Variants in NFIA observed in about 807,000 individuals in gnomAD.
NFIA encodes the protein nuclear factor I A.
A neutral mutation model predicts 62.8 loss-of-function variants in NFIA; 8 were observed. The observed-to-expected ratio is 0.13, with a 90% confidence interval of 0.07 to 0.23. The LOEUF (loss-of-function observed/expected upper bound fraction) is 0.23. Ranked by LOEUF, NFIA falls within the 10% of genes least tolerant of loss-of-function variation. The pLI, the probability that NFIA is intolerant of heterozygous loss-of-function variation, is 1.00. For synonymous variants in NFIA, 235 were observed against 238.1 expected (o/e 0.99, Z 0.12); for missense variants, 410 against 642.1 (o/e 0.64, Z 3.91).
intron 4 of NFIA, among the ~76,000 whole-genome samples, chr1:61,345,970 A>G (rs908873801): frequency 6.6e-6 from 1 of 152,088 alleles, no homozygotes; most frequent in African/African-American, 2.4e-5. Flanking sequence ...TGCCATAATT[A>G]TTATTAGAAT....
intron 3 of NFIA, among the ~76,000 whole-genome samples, chr1:61,298,536 G>A (rs1336411727): frequency 6.6e-6 from 1 of 152,078 alleles, no homozygotes; most frequent in African/African-American, 2.4e-5. Context: ...CTGTAGTTCA[G>A]CCAGTCAGAA....
chr1:61,365,663 CTAGAG>C (rs1292216386), intron 6 of NFIA, among the ~76,000 whole-genome samples: 1 of 152,166 alleles, frequency 6.6e-6, no homozygotes, highest in East Asian at 1.9e-4. Context: ...ATGCAGTATA[CTAGAG>C]TAGATACAGA....
chr1:61,195,811 T>C (rs922469974), intron 2 of NFIA, among the ~76,000 whole-genome samples: 6 of 152,194 alleles, frequency 3.9e-5, no homozygotes, highest in African/African-American at 1.4e-4. Context: ...TTTTGGAGGC[T>C]AGAAATTCAA....
intron 9 of NFIA, among the ~76,000 whole-genome samples, chr1:61,414,180 G>T (rs1054900375): frequency 1.3e-5 from 2 of 152,006 alleles, no homozygotes; most frequent in Non-Finnish European, 2.9e-5. Context: ...ACAGGGTTTC[G>T]TCATGTTGGC....
At chr1:61,270,626 A>G (rs2100262102) in intron 2 of NFIA, among the ~76,000 whole-genome samples, 1 of 152,356 alleles carries the variant, frequency 6.6e-6, no homozygotes, top group East Asian at 1.9e-4. Flanking sequence ...AGATGGCTGT[A>G]TGAGTAATCT....
At position 61,381,091 on chromosome 1, in the gene NFIA, C is replaced by T. The variant is rs540258912; in HGVS notation, c.947-2146C>T. Among the ~76,000 whole-genome samples the T allele has an allele frequency of 4.0e-5, 6 of 148,560 alleles. No individual in the cohort carries two copies. In the South Asian group the frequency reaches 1.3e-3, roughly 32 times the overall value. On this transcript the variant is annotated intron_variant, in intron 6 of 10. Coordinates refer to ENST00000403491, the MANE Select transcript of NFIA (RefSeq NM_001134673.4). ...AGGATACTGGATTTCATCAGTGATTCCATTATCTGAAAAAAAAAAAAAAAT... is the reference window on the plus strand; with the variant it reads ...AGGATACTGGATTTCATCAGTGATTTCATTATCTGAAAAAAAAAAAAAAAT...
At chr1:61,232,090 T>C (rs562496098) in intron 2 of NFIA, among the ~76,000 whole-genome samples, 1 of 152,166 alleles carries the variant, frequency 6.6e-6, no homozygotes, top group African/African-American at 2.4e-5. Flanking sequence ...ATGTAATGCA[T>C]TGGGAAAGTA....
intron 2 of NFIA, among the ~76,000 whole-genome samples, chr1:61,131,819 G>C (rs1647085011): frequency 6.6e-6 from 1 of 152,060 alleles, no homozygotes; most frequent in South Asian, 2.1e-4. Context: ...ATTTTTTTCT[G>C]ATACAGACCA....
intron 2 of NFIA, among the ~76,000 whole-genome samples, chr1:61,245,327 A>T (rs1287191261): frequency 6.6e-6 from 1 of 152,290 alleles, no homozygotes; most frequent in East Asian, 1.9e-4. Flanking sequence ...AAACTTCATT[A>T]TAACATCCCC....
At chr1:61,124,917 A>C (rs1208083796) in intron 2 of NFIA, 1 of 152,172 alleles carries the variant, frequency 6.6e-6, no homozygotes, top group Non-Finnish European at 1.5e-5. Context: ...TGTGTGCAGC[A>C]AGGCTTCTGA....
At chr1:61,196,985 A>G (rs1376578296) in intron 2 of NFIA, among the ~76,000 whole-genome samples, 3 of 151,534 alleles carry the variant, frequency 2.0e-5, no homozygotes, top group Admixed American at 2.0e-4. Context: ...ATTTGTGTTT[A>G]ATTAAACAGA....
chr1:61,313,021 A>G (rs1348813379), intron 3 of NFIA, among the ~76,000 whole-genome samples: 1 of 152,208 alleles, frequency 6.6e-6, no homozygotes, highest in East Asian at 1.9e-4. Flanking sequence ...ACAGAAATAT[A>G]GTAAATTAAG....
chr1:61,236,569 A>T, intron 2 of NFIA, among the ~76,000 whole-genome samples: 1 of 152,134 alleles, frequency 6.6e-6, no homozygotes, highest in South Asian at 2.1e-4. Flanking sequence ...TCCAAGCCAC[A>T]CTTTGGCCTA....
At chr1:61,247,870 A>G (rs186189038) in intron 2 of NFIA, among the ~76,000 whole-genome samples, 83 of 152,310 alleles carry the variant, frequency 5.4e-4, no homozygotes, top group African/African-American at 1.9e-3. Flanking sequence ...AGTTTAATAA[A>G]TGAGAGAATA....
intron 3 of NFIA, among the ~76,000 whole-genome samples, chr1:61,317,014 C>T (rs1660400176): frequency 6.6e-6 from 1 of 151,960 alleles, no homozygotes; most frequent in South Asian, 2.1e-4. Flanking sequence ...GAAGTACTTT[C>T]ACATCTAAAA....
chr1:61,141,428 A>AC (rs398102772), intron 2 of NFIA, among the ~76,000 whole-genome samples: 2 of 150,954 alleles, frequency 1.3e-5, no homozygotes, highest in Non-Finnish European at 3.0e-5. Flanking sequence ...GGGAAAAAAA[A>AC]CCATGTCTTT....
chr1:61,389,261 T>A (rs1446645354), intron 7 of NFIA, among the ~76,000 whole-genome samples: 1 of 152,168 alleles, frequency 6.6e-6, no homozygotes, highest in African/African-American at 2.4e-5. Context: ...GCCTTATGTC[T>A]GCATGCCAAG....
At chr1:61,236,429 C>T (rs1463397818) in intron 2 of NFIA, among the ~76,000 whole-genome samples, 3 of 152,092 alleles carry the variant, frequency 2.0e-5, no homozygotes, top group African/African-American at 2.4e-5. Flanking sequence ...ATAATTTTTA[C>T]GTTATTTATT....
chr1:61,110,855 T>A (rs990516842), intron 2 of NFIA, among the ~76,000 whole-genome samples: 3 of 152,080 alleles, frequency 2.0e-5, no homozygotes, highest in African/African-American at 7.2e-5. Context: ...AAAAAGGATA[T>A]TAGGGATTGT....
Sources: allele counts gnomAD v4.1 joint callset (sites outside exome capture counted in the v4.1 genomes callset), GRCh38; gene constraint gnomAD v4.1.1; transcripts MANE v1.5; gene names NCBI Gene and HGNC (gene_info 2026-07-23, HGNC 2026-07-21).